The following CEP126 variants were observed in gnomAD, a reference collection of about 807,000 sequenced individuals.
The protein encoded by CEP126 is centrosomal protein 126, also known as centrosomal protein of 126 kDa.
A neutral mutation model predicts 107.8 loss-of-function variants in CEP126; 74 were observed. The observed-to-expected ratio is 0.69, with a 90% confidence interval of 0.57 to 0.83. The LOEUF (loss-of-function observed/expected upper bound fraction) is 0.83, where lower values mean the gene tolerates loss of function less well. CEP126 is among the 40% of genes least tolerant of loss of function. The pLI, the probability that CEP126 is intolerant of heterozygous loss-of-function variation, is 0.00. For synonymous variants in CEP126, 449 were observed against 446.0 expected, an observed-to-expected ratio of 1.01 and a Z score of -0.08; for missense variants, 1,237 against 1,281.9, an observed-to-expected ratio of 0.96 and a Z score of 0.53.
chr11:101,962,217 A>C lies in CEP126; in HGVS notation c.1182A>C (p.Thr394=). The change falls in exon 6 of 11, where the codon ACA becomes ACC. Residue 394 remains threonine, a synonymous_variant. Transcript: ENST00000263468. ...EKTSETSTMR[T]TDSTSGAFKR... is the part of the protein sequence containing the mutation. ...CCTCTGAAACTAGCACTATGAGGAC[A>C]ACTGACTCCACTTCTGGAGCATTCA... 1 of 1,613,978 alleles carries C rather than the reference A, an allele frequency of 6.2e-7. No homozygotes were observed. The highest frequency in any genetic ancestry group is 2.2e-5 in the East Asian group (1 of 44,862).
chr11:101,965,835 G>C (rs544906033), intron 6 of CEP126, among the ~76,000 whole-genome samples: 2 of 152,102 alleles, frequency 1.3e-5, no homozygotes, highest in South Asian at 2.1e-4. Context: ...TAGCAGAATT[G>C]GTATTTTGAT....
intron 6 of CEP126, among the ~76,000 whole-genome samples, chr11:101,971,201 T>C (rs1174728697): frequency 2.6e-5 from 4 of 152,186 alleles, no homozygotes; most frequent in African/African-American, 9.7e-5. Flanking sequence ...ACTCCTGAGC[T>C]CAGGCTCAGG....
In CEP126 at chr11:101,940,715, C is replaced by T. The variant is rs951206703; in HGVS notation, c.249-3550C>T. On this transcript the variant is annotated intron_variant, in intron 2 of 10. Transcript: ENST00000263468. ...AATTGGAACCAAGCCAGTTGTCTCT[C>T]TCCAGTGCTGTCTGTCCTGTTAGCT... Among the ~76,000 whole-genome samples the T allele has an allele frequency of 2.0e-5, 3 of 152,238 alleles. No homozygotes were observed. The East Asian group carries it at 5.8e-4, about 29-fold the overall frequency.
intron 9 of CEP126, among the ~76,000 whole-genome samples, chr11:101,989,242 A>G (rs1565370557): frequency 6.6e-6 from 1 of 152,244 alleles, no homozygotes; most frequent in African/African-American, 2.4e-5. Context: ...AATTATTTAT[A>G]TATGAACAAT....
chr11:101,996,304 T>G (rs567904735), intron 10 of CEP126, among the ~76,000 whole-genome samples: 29 of 152,324 alleles, frequency 1.9e-4, no homozygotes, highest in South Asian at 2.1e-4. Context: ...CAGATTTCCC[T>G]GCAAGCTTCA....
intron 4 of CEP126, among the ~76,000 whole-genome samples, chr11:101,948,647 A>G (rs1235564319): frequency 6.6e-6 from 1 of 152,126 alleles, no homozygotes; most frequent in African/African-American, 2.4e-5. Context: ...ACCACTGGGT[A>G]CCCTCGGACA....
intron 6 of CEP126, among the ~76,000 whole-genome samples, chr11:101,976,884 A>T (rs1221532088): frequency 6.6e-6 from 1 of 152,182 alleles, no homozygotes; most frequent in Non-Finnish European, 1.5e-5. Flanking sequence ...AGCTATACAT[A>T]CAAGTTAAGC....
At chr11:101,949,407 G>A (rs765632808) in intron 4 of CEP126, among the ~76,000 whole-genome samples, 8 of 152,166 alleles carry the variant, frequency 5.3e-5, no homozygotes, top group East Asian at 1.9e-4. Context: ...TTCAATAAAT[G>A]TAGAAATTAT....
intron 6 of CEP126, among the ~76,000 whole-genome samples, chr11:101,975,637 G>A (rs775835681): frequency 3.3e-5 from 5 of 152,048 alleles, no homozygotes; most frequent in Non-Finnish European, 7.4e-5. Flanking sequence ...TGTTATATAG[G>A]TAAATTGCAT....
In CEP126 at chr11:101,997,636, A is replaced by G. The variant is rs1565372968; in HGVS notation, c.3347A>G (p.Lys1116Arg). ...GATAGAACCAGCAGCTGCAGAGACA[A>G]GAGATAATTCCAGCAGAATCCGTCT... is the stretch of plus-strand genomic sequence containing the variant. ...REDRTSSCRD[K>R]R The change falls in exon 11 of 11, where the codon AAG becomes AGG. Residue 1116 changes from lysine to arginine, a missense_variant. Lys to Arg is a conservative substitution (Grantham distance 26, BLOSUM62 2). Transcript: ENST00000263468. 1 of 1,613,922 alleles carries G rather than the reference A, an allele frequency of 6.2e-7. No homozygotes were observed. The highest frequency in any genetic ancestry group is 8.5e-7 in the Non-Finnish European group (1 of 1,179,886).
At chr11:101,985,666 CTGAAACAT>C (rs1941308643) in intron 8 of CEP126, among the ~76,000 whole-genome samples, 1 of 152,110 alleles carries the variant, frequency 6.6e-6, no homozygotes, top group Non-Finnish European at 1.5e-5. Context: ...AGTCCAAAAC[CTGAAACAT>C]ATCTAGTCCC....
chr11:101,963,959 A>G, intron 6 of CEP126, 79 bp downstream of exon 6: 3 of 855,552 alleles, frequency 3.5e-6, no homozygotes, highest in Non-Finnish European at 1.8e-6. Flanking sequence ...CTATTTATGT[A>G]TGGCCATACA....
intron 4 of CEP126, among the ~76,000 whole-genome samples, chr11:101,949,594 A>C (rs146361619): frequency 6.6e-6 from 1 of 152,208 alleles, no homozygotes; most frequent in Non-Finnish European, 1.5e-5. Context: ...ATATAGGACT[A>C]GGAGAGGTCA....
At position 101,992,185 on chromosome 11, in the gene CEP126, A is replaced by G. The variant is rs556417771; in HGVS notation, c.3245-593A>G. Among the ~76,000 whole-genome samples, 29 of 152,256 alleles carry G rather than the reference A, an allele frequency of 1.9e-4. 1 individual carries two copies. The South Asian group carries it at 4.1e-3, about 22-fold the overall frequency. On this transcript the variant is annotated intron_variant, in intron 9 of 10. Coordinates refer to ENST00000263468, the MANE Select transcript of CEP126 (RefSeq NM_020802.4). ...AAATAAAAAGCAGGGAGCTACAATC[A>G]TGAACTAAGGCTATGAGTTTAAGAT... is the stretch of plus-strand genomic sequence containing the variant.
At chr11:101,924,482 T>C (rs1940377986) in intron 2 of CEP126, among the ~76,000 whole-genome samples, 1 of 152,122 alleles carries the variant, frequency 6.6e-6, no homozygotes, top group Non-Finnish European at 1.5e-5. Flanking sequence ...TTTTGTTTTT[T>C]TGAGATGGAG....
chr11:101,981,106 C>T (rs1255344862), intron 7 of CEP126, among the ~76,000 whole-genome samples: 1 of 152,130 alleles, frequency 6.6e-6, no homozygotes. Context: ...CTGAGACTTC[C>T]GTTTTCAAGG....
chr11:101,961,711 G>A, intron 5 of CEP126, 30 bp from the exon 6 acceptor site: 1 of 1,262,036 alleles, frequency 7.9e-7, no homozygotes, highest in Non-Finnish European at 1.1e-6. Context: ...AAGTTTATAA[G>A]CTATAAAACA....
intron 5 of CEP126, among the ~76,000 whole-genome samples, chr11:101,960,301 T>A (rs1940954243): frequency 6.6e-6 from 1 of 152,144 alleles, no homozygotes; most frequent in Non-Finnish European, 1.5e-5. Flanking sequence ...CTGAGGTGAT[T>A]TGGGAGATGA....
At position 101,963,467 on chromosome 11, in the gene CEP126, G is replaced by A. The variant is rs1441897918; in HGVS notation, c.2432G>A (p.Arg811Lys). Reference sequence around the variant, plus strand: ...CCTCCTCAATCTACATCAAATATTAGAAGTGGTAAAAATATACAAGTGTCT... The same window carrying A: ...CCTCCTCAATCTACATCAAATATTAAAAGTGGTAAAAATATACAAGTGTCT... The part of the protein sequence containing the change: ...CPPPQSTSNI[R>K]SGKNIQVSQC... Residue 811 changes from arginine (R) to lysine (K), a missense_variant, in exon 6 of 11, where the codon AGA becomes AAA. Coordinates refer to ENST00000263468, the MANE Select transcript of CEP126 (RefSeq NM_020802.4). 6.2e-7 allele frequency: 1 copy of A among 1,614,074 alleles called. No individual in the cohort carries two copies. The highest frequency in any genetic ancestry group is 1.1e-5 in the South Asian group (1 of 91,072).
Sources: allele counts gnomAD v4.1 joint callset (sites outside exome capture counted in the v4.1 genomes callset), GRCh38; gene constraint gnomAD v4.1.1; transcripts MANE v1.5; gene names NCBI Gene and HGNC (gene_info 2026-07-23, HGNC 2026-07-21).